The following NUDCD3 variants were observed in gnomAD, a reference collection of about 807,000 sequenced individuals.
NUDCD3 encodes NudC domain containing 3.
A neutral mutation model predicts 39.7 loss-of-function variants in NUDCD3; 13 were observed. That is an observed-to-expected ratio of 0.33 (90% CI 0.21 to 0.52). The LOEUF (loss-of-function observed/expected upper bound fraction) is 0.52, where lower values mean the gene tolerates loss of function less well. Among genes scored for constraint, NUDCD3 ranks in the 20% least tolerant of loss-of-function variants. NUDCD3 has a pLI of 0.96. For missense variants in NUDCD3, 453 were observed against 458.1 expected (o/e 0.99, Z 0.10); for synonymous variants, 175 against 172.4 (o/e 1.02, Z -0.12).
chr7:44,465,291 G>A (rs1800096773), intron 2 of NUDCD3, among the ~76,000 whole-genome samples: 1 of 152,178 alleles, frequency 6.6e-6, no homozygotes, highest in Non-Finnish European at 1.5e-5. Context: ...ATGAGGCTGA[G>A]AGAATACAGA....
intron 2 of NUDCD3, among the ~76,000 whole-genome samples, chr7:44,481,945 C>T (rs1361550763): frequency 6.6e-6 from 1 of 152,156 alleles, no homozygotes; most frequent in Non-Finnish European, 1.5e-5. Flanking sequence ...TGTGGGCCCT[C>T]ACCAGACACT....
At chr7:44,454,481 A>C (rs369358113) in intron 2 of NUDCD3, among the ~76,000 whole-genome samples, 4 of 152,356 alleles carry the variant, frequency 2.6e-5, no homozygotes, top group African/African-American at 9.6e-5. Context: ...AAATCCTTTC[A>C]TCTGCTCTTC....
In NUDCD3 at chr7:44,391,179, A is replaced by C. The variant is rs75605455; in HGVS notation, c.975+1118T>G. 3.1e-3 allele frequency among the ~76,000 whole-genome samples: 478 copies of C among 152,286 alleles called. 4 individuals are homozygous for C. Among genetic ancestry groups the C allele is most frequent in the African/African-American group, 0.011 (442 of 41,556 alleles). On this transcript the variant is annotated intron_variant, in intron 5 of 5. Coordinates refer to ENST00000355451, the MANE Select transcript of NUDCD3 (RefSeq NM_015332.4). ...ACAAAAACAAAAACAAAAAACAAAC[A>C]AACTGTATTTTCAGGGGTACTGTGC...
chr7:44,438,669 G>A (rs1799515237), intron 2 of NUDCD3, among the ~76,000 whole-genome samples: 1 of 151,542 alleles, frequency 6.6e-6, no homozygotes, highest in African/African-American at 2.4e-5. Context: ...TAAGAGAAGG[G>A]GACTGTAGAC....
In NUDCD3 at chr7:44,379,731, C is replaced by A. The variant is rs2116846187; in HGVS notation, c.*6280G>T. ...AACACTGGAGAATAGTTTAGGGGTG[C>A]CCGAGTTTCCCCCACTGCATAGAGC... On this transcript the variant is annotated 3_prime_UTR_variant, in exon 6 of 6. Transcript: ENST00000355451. 1 of 152,326 alleles carries A rather than the reference C, an allele frequency of 6.6e-6. No individual in the cohort carries two copies. The highest frequency in any genetic ancestry group is 1.9e-4 in the East Asian group (1 of 5,192). 9.4% of individuals were successfully genotyped at this position (152,326 alleles called of 1,614,324 possible).
intron 2 of NUDCD3, chr7:44,468,349 CAAAAAAAAA>C (rs77181470): frequency 2.1e-5 from 8 of 381,110 alleles, no homozygotes; most frequent in Middle Eastern, 8.3e-4. Context: ...GTAAAAACTG[CAAAAAAAAA>C]AAAAAAAAAA....
intron 3 of NUDCD3, among the ~76,000 whole-genome samples, chr7:44,415,386 G>C (rs1394531023): frequency 6.6e-6 from 1 of 152,282 alleles, no homozygotes. Context: ...AGAGTAGATT[G>C]AGCAAAGAAC....
intron 2 of NUDCD3, among the ~76,000 whole-genome samples, chr7:44,483,708 A>G (rs1414925232): frequency 6.6e-6 from 1 of 152,110 alleles, no homozygotes; most frequent in African/African-American, 2.4e-5. Flanking sequence ...CTCTTACTCC[A>G]TATTTTATAA....
Position 44,400,287 on chromosome 7 carries a change from G to T in NUDCD3, c.786+4153C>A, listed in dbSNP as rs13222054. 2.0e-5 allele frequency among the ~76,000 whole-genome samples: 3 copies of T among 152,236 alleles called. No homozygotes were observed. The East Asian group carries it at 5.8e-4, about 29-fold the overall frequency. Reference sequence around the variant, plus strand: ...GTGTGGGAGGGAGGGAGGGAGGCAAGAACTGTCATACGGTTTTAGCAGCCA... The same window carrying T: ...GTGTGGGAGGGAGGGAGGGAGGCAATAACTGTCATACGGTTTTAGCAGCCA... On this transcript the variant is annotated intron_variant, in intron 4 of 5. Transcript: ENST00000355451.
At chr7:44,394,338 T>C (rs1798579310) in intron 4 of NUDCD3, among the ~76,000 whole-genome samples, 1 of 152,240 alleles carries the variant, frequency 6.6e-6, no homozygotes, top group African/African-American at 2.4e-5. Flanking sequence ...CCAGATACTC[T>C]GCTAAGCTGG....
chr7:44,453,380 T>G (rs1563181662), intron 2 of NUDCD3, among the ~76,000 whole-genome samples: 1 of 151,450 alleles, frequency 6.6e-6, no homozygotes, highest in Non-Finnish European at 1.5e-5. Context: ...AATAAATAAA[T>G]AAATAATAAT....
intron 5 of NUDCD3, among the ~76,000 whole-genome samples, chr7:44,391,194 G>A (rs760035040): frequency 1.3e-5 from 2 of 152,210 alleles, no homozygotes; most frequent in African/African-American, 4.8e-5. Flanking sequence ...GTATTTTCAG[G>A]GGTACTGTGC....
intron 2 of NUDCD3, among the ~76,000 whole-genome samples, chr7:44,484,063 G>C (rs953804398): frequency 6.6e-6 from 1 of 152,190 alleles, no homozygotes; most frequent in Non-Finnish European, 1.5e-5. Flanking sequence ...GTCAGAAAGA[G>C]AGTAAAGGAG....
chr7:44,464,324 GC>G, intron 2 of NUDCD3, among the ~76,000 whole-genome samples: 1 of 151,994 alleles, frequency 6.6e-6, no homozygotes, highest in East Asian at 1.9e-4. Context: ...AAGAAAAAGA[GC>G]GCCACAGTCC....
At chr7:44,487,015 G>C (rs1158826356) in intron 1 of NUDCD3, among the ~76,000 whole-genome samples, 1 of 152,138 alleles carries the variant, frequency 6.6e-6, no homozygotes, top group Non-Finnish European at 1.5e-5. Flanking sequence ...ATTTATGTAA[G>C]GAACAGGATG....
chr7:44,472,334 T>A lies in NUDCD3; in HGVS notation c.509+12634A>T, dbSNP rs191627839. Reference sequence around the variant, plus strand: ...CAACTGAGAAACTATTAGAAACCAGTAAGAGAATTCGATATTGGTGTATAG... The same window carrying A: ...CAACTGAGAAACTATTAGAAACCAGAAAGAGAATTCGATATTGGTGTATAG... On this transcript the variant is annotated intron_variant, in intron 2 of 5. Transcript: ENST00000355451. Among the ~76,000 whole-genome samples the A allele has an allele frequency of 4.6e-5, 7 of 152,294 alleles. No individual in the cohort carries two copies. In the East Asian group the frequency reaches 1.2e-3, roughly 25 times the overall value.
At position 44,412,942 on chromosome 7, in the gene NUDCD3, AG is replaced by A. The variant is rs1228020212; in HGVS notation, c.643-8360del. On this transcript the variant is annotated intron_variant, in intron 3 of 5. Transcript: ENST00000355451. ...ACGCCGTCTCAAAAAAAAAAAAAAA[AG>A]AAAAAAAAAAAGAAAGAAACCATTG... Among the ~76,000 whole-genome samples, 75 of 141,158 alleles carry A rather than the reference AG, an allele frequency of 5.3e-4. 2 individuals carry two copies. Among genetic ancestry groups the A allele is most frequent in the African/African-American group, 1.8e-3 (67 of 37,028 alleles). 92.6% of individuals were successfully genotyped at this position (141,158 alleles called of 152,430 possible). A position where few individuals can be genotyped will look rare whatever the true frequency, so the allele number is the denominator to read the frequency against.
rs1266326259 is a variant in NUDCD3, at chr7:44,385,991, G to T, written c.*20C>A. On this transcript the variant is annotated 3_prime_UTR_variant, in exon 6 of 6. Coordinates refer to ENST00000355451, the MANE Select transcript of NUDCD3 (RefSeq NM_015332.4). ...AGGCTCTGCCTCCCCACCGGCGAGG[G>T]TTTCCTTTCCTTCTGGTCATTAAAA... The T allele has an allele frequency of 7.8e-7, 1 of 1,289,022 alleles. No individual in the cohort carries two copies. The allele number at this position is 1,289,022 out of a possible 1,614,324, so 79.8% of individuals were successfully genotyped here. A position where few individuals can be genotyped will look rare whatever the true frequency, so the allele number is the denominator to read the frequency against.
At chr7:44,393,718 T>G (rs1798565199) in intron 4 of NUDCD3, among the ~76,000 whole-genome samples, 1 of 152,110 alleles carries the variant, frequency 6.6e-6, no homozygotes, top group South Asian at 2.1e-4. Flanking sequence ...AACCACTAGG[T>G]GCTCACAGAA....
Sources: allele counts gnomAD v4.1 joint callset (sites outside exome capture counted in the v4.1 genomes callset), GRCh38; gene constraint gnomAD v4.1.1; transcripts MANE v1.5; gene names NCBI Gene and HGNC (gene_info 2026-07-23, HGNC 2026-07-21).